The following NECTIN1 variants were observed in gnomAD, a reference collection of about 807,000 sequenced individuals.
NECTIN1 encodes the protein nectin-1.
Under a neutral mutation model 48.0 loss-of-function variants are expected in NECTIN1, and 23 were observed. The observed-to-expected ratio is 0.48, with a 90% CI of 0.34 to 0.68. NECTIN1 has a LOEUF of 0.68. NECTIN1 is among the 30% of genes least tolerant of loss of function. NECTIN1 has a pLI of 0.01. For synonymous variants in NECTIN1, 270 were observed against 288.9 expected (o/e 0.93, Z 0.66); for missense variants, 591 against 709.9 (o/e 0.83, Z 1.90).
chr11:119,667,487 T>C (rs1310275648), intron 5 of NECTIN1, among the ~76,000 whole-genome samples: 1 of 152,144 alleles, frequency 6.6e-6, no homozygotes, highest in Non-Finnish European at 1.5e-5. Flanking sequence ...GGCAGGGAAG[T>C]GCAGGGTGCA....
chr11:119,659,394 A>C (rs1445449708), downstream of NECTIN1: 2 of 152,252 alleles, frequency 1.3e-5, no homozygotes, highest in Non-Finnish European at 2.9e-5. Flanking sequence ...CCCACCAGCC[A>C]AGATAGGGAT....
In NECTIN1 at chr11:119,664,841, C is replaced by T; in HGVS notation, c.1460G>A (p.Gly487Asp). ...RQDGYGDRTL[G>D]YQYDPEQLDL... is the part of the protein sequence containing the mutation. ...CAGCTGCTCAGGGTCGTACTGGTAG[C>T]CCAGAGTCCGGTCCCCGTAGCCGTC... is the stretch of plus-strand genomic sequence containing the variant. The change falls in exon 6 of 6, where the codon GGC (glycine) becomes GAC (aspartate). Residue 487 changes from glycine (G) to aspartate (D), a missense_variant. Gly to Asp is a moderately conservative substitution (Grantham distance 94). Coordinates refer to ENST00000264025, the MANE Select transcript of NECTIN1 (RefSeq NM_002855.5). 1 of 1,613,952 alleles carries T rather than the reference C, an allele frequency of 6.2e-7. No homozygotes were observed. Among genetic ancestry groups the T allele is most frequent in the Non-Finnish European group, 8.5e-7 (1 of 1,179,932 alleles).
At position 119,691,428 on chromosome 11, in the gene NECTIN1, G is replaced by T. The variant is rs73004974; in HGVS notation, c.80-12663C>A. The stretch of plus-strand genomic sequence containing the variant: ...GGCGGGGAAAGTGGGATCTTCAAAA[G>T]GTTGTGACATGGGGTTTTGGGGAGA... On this transcript the variant is annotated intron_variant, in intron 1 of 5. Coordinates refer to ENST00000264025, the MANE Select transcript of NECTIN1 (RefSeq NM_002855.5). Among the ~76,000 whole-genome samples the T allele has an allele frequency of 2.4e-3, 372 of 152,362 alleles. 3 individuals carry two copies. The Middle Eastern group carries it at 0.027, about 11-fold the overall frequency.
Position 119,670,635 on chromosome 11 carries a change from T to C in NECTIN1, c.1003+4524A>G, listed in dbSNP as rs113989090. Among the ~76,000 whole-genome samples, 1,359 of 140,050 alleles carry C rather than the reference T, an allele frequency of 9.7e-3. 24 individuals are homozygous for C. The highest frequency in any genetic ancestry group is 0.031 in the African/African-American group (1,181 of 38,236). 91.9% of individuals were successfully genotyped at this position (140,050 alleles called of 152,430 possible). ...TCCAGGCCTTCTATTTAATTCTTTTTCCTAAGTCCTTTTTTTTTTTTTTTT... is the reference window on the plus strand; with the variant it reads ...TCCAGGCCTTCTATTTAATTCTTTTCCCTAAGTCCTTTTTTTTTTTTTTTT... On this transcript the variant is annotated intron_variant, in intron 5 of 5. Coordinates refer to ENST00000264025, the MANE Select transcript of NECTIN1 (RefSeq NM_002855.5).
At chr11:119,658,528 A>C (rs1413447547), downstream of NECTIN1, among the ~76,000 whole-genome samples, 1 of 152,136 alleles carries the variant, frequency 6.6e-6, no homozygotes, top group African/African-American at 2.4e-5. Flanking sequence ...GTGGTTTCAG[A>C]AGCAGGTCTA....
Position 119,684,221 on chromosome 11 carries a change from C to T in NECTIN1, c.80-5456G>A, listed in dbSNP as rs1178474298. ...GGTGAAAGTGGGTACCTAGGTGAGG[C>T]GAGGGGGATTTGGGGCTTCCTGGCA... On this transcript the variant is annotated intron_variant, in intron 1 of 5. Coordinates refer to ENST00000264025, the MANE Select transcript of NECTIN1 (RefSeq NM_002855.5). The surrounding 1 kb of genome is among the most constrained non-coding windows in gnomAD (Gnocchi z 5.2). Among the ~76,000 whole-genome samples the T allele has an allele frequency of 6.6e-6, 1 of 152,200 alleles. No individual in the cohort carries two copies. The highest frequency in any genetic ancestry group is 1.5e-5 in the Non-Finnish European group (1 of 68,032).
At position 119,710,664 on chromosome 11, in the gene NECTIN1, C is replaced by A. The variant is rs117215672; in HGVS notation, c.79+17811G>T. 8.5e-3 allele frequency among the ~76,000 whole-genome samples: 1,295 copies of A among 152,256 alleles called. 7 individuals carry two copies. The highest frequency in any genetic ancestry group is 0.016 in the Admixed American group (241 of 15,300). On this transcript the variant is annotated intron_variant, in intron 1 of 5. Coordinates refer to ENST00000264025, the MANE Select transcript of NECTIN1 (RefSeq NM_002855.5). ...TGCCAGCTGGTGAAGTAGGGTCCTC[C>A]AGGCAGAGGAGACAGGAACAGCAAA...
intron 5 of NECTIN1, among the ~76,000 whole-genome samples, chr11:119,670,441 G>A (rs1167502416): frequency 6.6e-6 from 1 of 152,114 alleles, no homozygotes; most frequent in East Asian, 1.9e-4. Context: ...ATTCTACAAT[G>A]GCAAGATTAT....
downstream of NECTIN1, chr11:119,659,239 A>G (rs1342283584): frequency 6.6e-6 from 1 of 152,240 alleles, no homozygotes; most frequent in Non-Finnish European, 1.5e-5. Context: ...GCAGTGCCAG[A>G]GTGGCCAAAA....
Position 119,662,331 on chromosome 11 carries a change from T to C in NECTIN1, c.*2416A>G, listed in dbSNP as rs370905459. 1.3e-3 allele frequency: 1,270 copies of C among 985,744 alleles called. 6 individuals are homozygous for C. The highest frequency in any genetic ancestry group is 0.011 in the African/African-American group (655 of 57,328). The allele number at this position is 985,744 out of a possible 1,614,324, so 61.1% of individuals were successfully genotyped here. ...CACATCCCTAGGTCCAAGTGCTGAC[T>C]CCTGCCTCATGCCCACCCTCAGCCC... On this transcript the variant is annotated 3_prime_UTR_variant, in exon 6 of 6. Transcript: ENST00000264025. The surrounding 1 kb of genome is among the most constrained non-coding windows in gnomAD (Gnocchi z 5.3).
chr11:119,693,576 C>A (rs1312062532), intron 1 of NECTIN1, among the ~76,000 whole-genome samples: 1 of 152,164 alleles, frequency 6.6e-6, no homozygotes, highest in Non-Finnish European at 1.5e-5. Flanking sequence ...TGGGCCATGA[C>A]CACCATGAAG....
Position 119,709,749 on chromosome 11 carries a change from G to A in NECTIN1, c.79+18726C>T, listed in dbSNP as rs1465642616. On this transcript the variant is annotated intron_variant, in intron 1 of 5. Transcript: ENST00000264025. This position sits in a 1 kb window ranked among gnomAD's most constrained non-coding sequence, Gnocchi z 4.1. ...GCTTTATTTTAACTCCGGGTTTGTGGAGAGAGGGCAGGACGAGGCGGAGCG... is the reference window on the plus strand; with the variant it reads ...GCTTTATTTTAACTCCGGGTTTGTGAAGAGAGGGCAGGACGAGGCGGAGCG... 6.6e-6 allele frequency among the ~76,000 whole-genome samples: 1 copy of A among 152,150 alleles called. No individual in the cohort carries two copies. Among genetic ancestry groups the A allele is most frequent in the East Asian group, 1.9e-4 (1 of 5,186 alleles).
chr11:119,699,290 C>A (rs1865396790), intron 1 of NECTIN1, among the ~76,000 whole-genome samples: 1 of 152,214 alleles, frequency 6.6e-6, no homozygotes, highest in Admixed American at 6.5e-5. Flanking sequence ...GCTGAGGGGA[C>A]TTTTCCCAGT....
intron 1 of NECTIN1, among the ~76,000 whole-genome samples, chr11:119,726,733 C>T (rs1865913463): frequency 6.6e-6 from 1 of 152,162 alleles, no homozygotes; most frequent in Admixed American, 6.5e-5. Flanking sequence ...CCAACCCTTC[C>T]CACCACCCTT....
intron 1 of NECTIN1, among the ~76,000 whole-genome samples, chr11:119,690,196 G>T (rs1054391561): frequency 6.6e-5 from 10 of 152,130 alleles, no homozygotes; most frequent in African/African-American, 2.4e-4. Flanking sequence ...TTTCCTCGCA[G>T]CCCCTCCTTG....
In NECTIN1 at chr11:119,721,059, GGACTC is replaced by G. The variant is rs1261995858; in HGVS notation, c.79+7411_79+7415del. Among the ~76,000 whole-genome samples, 31 of 152,324 alleles carry G rather than the reference GGACTC, an allele frequency of 2.0e-4. No individual in the cohort carries two copies. The Middle Eastern group carries it at 0.017, about 84-fold the overall frequency. ...AAGATTCAGGCCAAGGCTGTTGCGA[GGACTC>G]CAGAGTCCATCTCTGGTGCTAGGGC... On this transcript the variant is annotated intron_variant, in intron 1 of 5. Coordinates refer to ENST00000264025, the MANE Select transcript of NECTIN1 (RefSeq NM_002855.5).
At chr11:119,690,701 G>A (rs1055701939) in intron 1 of NECTIN1, among the ~76,000 whole-genome samples, 3 of 152,178 alleles carry the variant, frequency 2.0e-5, no homozygotes, top group Admixed American at 6.5e-5. Flanking sequence ...ACCCCACAGA[G>A]GGGAGACCAG....
At chr11:119,654,538 ATG>A in intron 5 of NECTIN1, among the ~76,000 whole-genome samples, 1 of 74,124 alleles carries the variant, frequency 1.3e-5, no homozygotes, top group Non-Finnish European at 3.2e-5. Flanking sequence ...GGAGATGGCA[ATG>A]TGTGTGTGCG....
downstream of NECTIN1, among the ~76,000 whole-genome samples, chr11:119,660,768 G>A (rs1163950015): frequency 1.3e-5 from 2 of 152,130 alleles, no homozygotes; most frequent in African/African-American, 4.8e-5. Flanking sequence ...CTCCCTCTGC[G>A]ATGCTGTCGT....
Sources: gnomAD v4.1 joint callset for allele counts (sites outside exome capture counted in the v4.1 genomes callset) on GRCh38, gnomAD v4.1.1 for gene constraint, Gnocchi (gnomAD v3.1) non-coding constraint, MANE v1.5 for transcripts, NCBI Gene and HGNC (gene_info 2026-07-23, HGNC 2026-07-21) for gene names.